The following TJP2 variants were observed in gnomAD, a reference collection of about 807,000 sequenced individuals.
TJP2 encodes Friedreich ataxia region gene X104 (tight junction protein ZO-2).
In TJP2, 91 loss-of-function variants were observed where a neutral mutation model predicts 133.1. The observed-to-expected ratio is 0.68, with a 90% CI of 0.58 to 0.81. The LOEUF is 0.81. Among genes scored for constraint, TJP2 ranks in the 40% least tolerant of loss-of-function variants. The pLI, the probability that TJP2 is intolerant of heterozygous loss-of-function variation, is 0.00. For synonymous variants in TJP2, 592 were observed against 583.4 expected, an observed-to-expected ratio of 1.01 and a Z score of -0.21; for missense variants, 1,541 against 1,565.6, an observed-to-expected ratio of 0.98 and a Z score of 0.26.
chr9:69,204,088 A>G (rs1827210700), intron 1 of TJP2, among the ~76,000 whole-genome samples: 1 of 152,188 alleles, frequency 6.6e-6, no homozygotes, highest in Non-Finnish European at 1.5e-5. Context: ...TCTGAAGTGT[A>G]GATGGTTTTA....
At chr9:69,129,746 C>T (rs1822405695) in intron 1 of TJP2, among the ~76,000 whole-genome samples, 1 of 151,688 alleles carries the variant, frequency 6.6e-6, no homozygotes, top group South Asian at 2.1e-4. Context: ...AGACCAAAGC[C>T]AGGCTCACGC....
intron 16 of TJP2, among the ~76,000 whole-genome samples, chr9:69,239,094 C>T (rs942045022): frequency 2.0e-5 from 3 of 152,188 alleles, no homozygotes; most frequent in African/African-American, 7.2e-5. Flanking sequence ...GAGGCTGAGG[C>T]AGGAGAATCG....
chr9:69,139,952 C>G (rs1173405068), intron 1 of TJP2, among the ~76,000 whole-genome samples: 1 of 152,170 alleles, frequency 6.6e-6, no homozygotes, highest in African/African-American at 2.4e-5. Context: ...TGGAGCCAAA[C>G]CTTCGTCTAG....
At chr9:69,178,214 C>G (rs1825237597) in intron 1 of TJP2, among the ~76,000 whole-genome samples, 3 of 152,092 alleles carry the variant, frequency 2.0e-5, no homozygotes, top group Non-Finnish European at 2.9e-5. Flanking sequence ...ACAGTGCTTT[C>G]CAAAGTCTGG....
At chr9:69,225,778 C>G (rs1473893267) in intron 6 of TJP2, among the ~76,000 whole-genome samples, 1 of 152,140 alleles carries the variant, frequency 6.6e-6, no homozygotes, top group Non-Finnish European at 1.5e-5. Flanking sequence ...AGTAGTAAAC[C>G]AAACCGTTGT....
intron 1 of TJP2, among the ~76,000 whole-genome samples, chr9:69,194,649 C>T (rs988933468): frequency 2.0e-5 from 3 of 152,180 alleles, no homozygotes; most frequent in African/African-American, 7.2e-5. Flanking sequence ...ATGGTAGAAA[C>T]TTCTGTTGGA....
At chr9:69,249,144 T>G (rs1007993861) in intron 19 of TJP2, 53 of 985,108 alleles carry the variant, frequency 5.4e-5, no homozygotes, top group Non-Finnish European at 6.0e-5. Context: ...TTTTGGAGGG[T>G]TCTTAAAAAA....
intron 5 of TJP2, among the ~76,000 whole-genome samples, chr9:69,222,634 A>G (rs1258729772): frequency 6.6e-6 from 1 of 152,198 alleles, no homozygotes; most frequent in Non-Finnish European, 1.5e-5. Context: ...ATATACACAA[A>G]GTTGTGTCAT....
chr9:69,227,866 A>G lies in TJP2; in HGVS notation c.1312A>G (p.Arg438Gly). Residue 438 changes from arginine (R) to glycine (G), a missense_variant, in exon 8 of 23, where the codon AGG (arginine) becomes GGG (glycine). Arg to Gly is a moderately radical substitution (Grantham distance 125). Coordinates refer to ENST00000377245, the MANE Select transcript of TJP2 (RefSeq NM_004817.4). ...YHSSSEKLKE[R>G]PSSREDTPSR... ...TTCCTCAAGTGAGAAGCTGAAGGAA[A>G]GGCCAAGGTAAGATGACATGAATAT... 6.2e-7 allele frequency: 1 copy of G among 1,613,516 alleles called. No homozygotes were observed. The highest frequency in any genetic ancestry group is 1.3e-5 in the African/African-American group (1 of 75,032).
intron 1 of TJP2, among the ~76,000 whole-genome samples, chr9:69,146,352 T>C (rs1010349790): frequency 5.9e-5 from 9 of 152,352 alleles, no homozygotes; most frequent in African/African-American, 1.9e-4. Context: ...TCTAACTTTC[T>C]TCTCTGAAGT....
intron 1 of TJP2, among the ~76,000 whole-genome samples, chr9:69,144,923 G>A (rs774367855): frequency 3.9e-5 from 6 of 152,142 alleles, no homozygotes; most frequent in Non-Finnish European, 7.3e-5. Flanking sequence ...GGGCCACCAT[G>A]ATAGGTGGTC....
At position 69,255,069 on chromosome 9, in the gene TJP2, G is replaced by C. The variant is rs11548276; in HGVS notation, c.*695G>C. ...TCAATAGCTTGAAGCCCAAGAAGTT[G>C]GTATCGAAATTTGTTGTTTGTTTAA... On this transcript the variant is annotated 3_prime_UTR_variant, in exon 23 of 23. Transcript: ENST00000377245. 5,094 of 155,142 alleles carry C rather than the reference G, an allele frequency of 0.033. 118 individuals are homozygous for C. Among genetic ancestry groups the C allele is most frequent in the Non-Finnish European group, 0.049 (3,437 of 70,094 alleles). 9.6% of individuals were successfully genotyped at this position (155,142 alleles called of 1,614,324 possible). A position where few individuals can be genotyped will look rare whatever the true frequency, so the allele number is the denominator to read the frequency against.
chr9:69,234,533 A>G lies in TJP2; in HGVS notation c.1766A>G (p.Gln589Arg). The G allele has an allele frequency of 1.4e-6, 2 of 1,446,098 alleles. No individual in the cohort carries two copies. Among genetic ancestry groups the G allele is most frequent in the Non-Finnish European group, 1.9e-6 (2 of 1,078,316 alleles). The allele number at this position is 1,446,098 out of a possible 1,614,324, so 89.6% of individuals were successfully genotyped here. The part of the protein sequence containing the change: ...PKGEMVTILA[Q>R]SRADVYRDIL... ...GGTGAAATGGTGACCATTTTAGCTC[A>G]GAGCCGAGCCGATGGTGAGCAAATT... The change falls in exon 12 of 23, where the codon CAG becomes CGG. Residue 589 changes from glutamine (Q) to arginine (R), a missense_variant. Coordinates refer to ENST00000377245, the MANE Select transcript of TJP2 (RefSeq NM_004817.4).
chr9:69,214,189 G>A (rs1178153613), intron 2 of TJP2, among the ~76,000 whole-genome samples: 1 of 152,110 alleles, frequency 6.6e-6, no homozygotes, highest in African/African-American at 2.4e-5. Flanking sequence ...AGGTTCAAGT[G>A]ATTTTCCTGC....
At chr9:69,175,642 GCT>G (rs1392057963) in intron 1 of TJP2, among the ~76,000 whole-genome samples, 1 of 152,186 alleles carries the variant, frequency 6.6e-6, no homozygotes, top group Non-Finnish European at 1.5e-5. Context: ...CAAGAGCGTG[GCT>G]CTGTCACACA....
At chr9:69,179,426 T>G (rs2132975812) in intron 1 of TJP2, among the ~76,000 whole-genome samples, 1 of 152,310 alleles carries the variant, frequency 6.6e-6, no homozygotes, top group East Asian at 1.9e-4. Context: ...TGGTTATGGT[T>G]TCTATTTTGT....
intron 1 of TJP2, among the ~76,000 whole-genome samples, chr9:69,137,422 G>T (rs541166825): frequency 4.6e-5 from 7 of 151,044 alleles, no homozygotes; most frequent in Non-Finnish European, 8.8e-5. Flanking sequence ...GTGTGCAGTG[G>T]TGTGATCACA....
Position 69,237,972 on chromosome 9 carries a change from T to C in TJP2, c.2274T>C (p.Ala758=), listed in dbSNP as rs1239465787. 4 of 1,609,738 alleles carry C rather than the reference T, an allele frequency of 2.5e-6. No individual in the cohort carries two copies. In the South Asian group the frequency reaches 4.4e-5, roughly 18 times the overall value. Residue 758 remains alanine, a splice_region_variant and synonymous_variant, in exon 15 of 23, where the codon GCT becomes GCC. Transcript: ENST00000377245. The part of the protein sequence containing the change: ...ANELPDWFQT[A]KTEPKDAGSE... Reference sequence around the variant, plus strand: ...AGTTACCTGACTGGTTTCAAACTGCTAGTAAGTCTGTCAGTGTTTTTTTTT... The same window carrying C: ...AGTTACCTGACTGGTTTCAAACTGCCAGTAAGTCTGTCAGTGTTTTTTTTT...
At chr9:69,148,373 C>CT (rs780212434) in intron 1 of TJP2, among the ~76,000 whole-genome samples, 305 of 130,914 alleles carry the variant, frequency 2.3e-3, no homozygotes, top group Middle Eastern at 4.4e-3. Context: ...CTCTGTAATA[C>CT]TTTTTTTTTT....
Sources: gnomAD v4.1 joint callset for allele counts (sites outside exome capture counted in the v4.1 genomes callset) on GRCh38, gnomAD v4.1.1 for gene constraint, MANE v1.5 for transcripts, NCBI Gene and HGNC (gene_info 2026-07-23, HGNC 2026-07-21) for gene names.